ASAP2: variants seen among roughly 807,000 people sequenced by gnomAD.
The protein encoded by ASAP2 is ArfGAP with SH3 domain, ankyrin repeat and PH domain 2.
In ASAP2, 45 loss-of-function variants were observed where a neutral mutation model predicts 131.4. The observed-to-expected ratio is 0.34, with a 90% CI of 0.27 to 0.44. The LOEUF is 0.44. Ranked by LOEUF, ASAP2 falls within the 20% of genes least tolerant of loss-of-function variation. ASAP2 has a pLI of 1.00. For missense variants in ASAP2, 1,011 were observed against 1,297.0 expected, an observed-to-expected ratio of 0.78 and a Z score of 3.39; for synonymous variants, 510 against 503.0, an observed-to-expected ratio of 1.01 and a Z score of -0.19.
intron 24 of ASAP2, among the ~76,000 whole-genome samples, chr2:9,396,960 C>T (rs1188596660): frequency 6.6e-6 from 1 of 152,198 alleles, no homozygotes. Context: ...CAAGATCACA[C>T]CACTGCACTC....
In ASAP2 at chr2:9,337,824, G is replaced by A. The variant is rs143833181; in HGVS notation, c.849+2645G>A. ...TTGTTCTTGATATTTTCTGCTCTCT[G>A]TAAGGAGAATACTACTCTTTGGTAT... On this transcript the variant is annotated intron_variant, in intron 9 of 27. Coordinates refer to ENST00000281419, the MANE Select transcript of ASAP2 (RefSeq NM_003887.3). 7.0e-4 allele frequency among the ~76,000 whole-genome samples: 106 copies of A among 152,312 alleles called. 1 individual carries two copies. Among genetic ancestry groups the A allele is most frequent in the African/African-American group, 2.5e-3 (102 of 41,576 alleles).
intron 1 of ASAP2, among the ~76,000 whole-genome samples, chr2:9,208,936 A>G (rs867575092): frequency 2.6e-5 from 4 of 152,338 alleles, no homozygotes; most frequent in South Asian, 4.1e-4. Flanking sequence ...TGTCAGTTAA[A>G]TATTATTAAC....
chr2:9,216,049 C>T (rs1452770169), intron 1 of ASAP2, among the ~76,000 whole-genome samples: 1 of 152,140 alleles, frequency 6.6e-6, no homozygotes, highest in African/African-American at 2.4e-5. Context: ...CAACCCAGCT[C>T]TCCTATTTGT....
chr2:9,256,964 A>G (rs909474591), intron 1 of ASAP2, among the ~76,000 whole-genome samples: 4 of 152,048 alleles, frequency 2.6e-5, no homozygotes, highest in Admixed American at 2.0e-4. Context: ...CAGCTGATGG[A>G]CTCATTCCAA....
At chr2:9,399,869 C>A in intron 24 of ASAP2, 154 bp from the exon 25 acceptor site, 2 of 727,480 alleles carry the variant, frequency 2.7e-6, no homozygotes, top group East Asian at 2.7e-5. Context: ...CTCATTCTTC[C>A]TTTTCCCATA....
At chr2:9,255,645 G>A (rs1665102501) in intron 1 of ASAP2, among the ~76,000 whole-genome samples, 1 of 152,222 alleles carries the variant, frequency 6.6e-6, no homozygotes, top group African/African-American at 2.4e-5. Flanking sequence ...CAGAGGTGAA[G>A]GGAGGTGCCT....
intron 1 of ASAP2, among the ~76,000 whole-genome samples, chr2:9,233,503 C>T (rs1663313060): frequency 6.6e-6 from 1 of 152,042 alleles, no homozygotes; most frequent in East Asian, 1.9e-4. Context: ...GGCTTGGGAC[C>T]AATACACTTT....
Position 9,388,456 on chromosome 2 carries a change from G to A in ASAP2, c.2293G>A (p.Ala765Thr). 1.9e-6 allele frequency: 3 copies of A among 1,614,082 alleles called. No individual in the cohort carries two copies. In the South Asian group the frequency reaches 3.3e-5, roughly 18 times the overall value. The change falls in exon 22 of 28, where the codon GCC (alanine) becomes ACC (threonine). Residue 765 changes from alanine (A) to threonine (T), a missense_variant. Ala to Thr is a moderately conservative substitution (Grantham distance 58, BLOSUM62 0). Transcript: ENST00000281419. ...CATCTTGCAGAATGAGACTTACGGAGCCCTCCTGAGTGGCAGCCCACCTCC... is the reference window on the plus strand; with the variant it reads ...CATCTTGCAGAATGAGACTTACGGAACCCTCCTGAGTGGCAGCCCACCTCC... ...PSILQNETYG[A>T]LLSGSPPPAQ...
intron 1 of ASAP2, chr2:9,271,165 G>T: frequency 2.0e-6 from 1 of 494,612 alleles, no homozygotes; most frequent in Non-Finnish European, 3.6e-6. Flanking sequence ...AGTTAAAAGC[G>T]GACCCCAAAT....
chr2:9,249,778 A>T (rs1198992176), intron 1 of ASAP2, among the ~76,000 whole-genome samples: 1 of 149,158 alleles, frequency 6.7e-6, no homozygotes, highest in African/African-American at 2.4e-5. Flanking sequence ...CCCCCAGAGG[A>T]GGGCAGGGCC....
intron 1 of ASAP2, among the ~76,000 whole-genome samples, chr2:9,245,570 T>TC (rs1435507609): frequency 6.6e-6 from 1 of 152,218 alleles, no homozygotes; most frequent in Non-Finnish European, 1.5e-5. Flanking sequence ...TCACTATACA[T>TC]CTTCCTGACT....
rs939750358 is a variant in ASAP2 at position 9,405,520 on chromosome 2, T to C, written c.*2193T>C. 6.6e-6 allele frequency: 1 copy of C among 152,640 alleles called. No homozygotes were observed. The highest frequency in any genetic ancestry group is 1.5e-5 in the Non-Finnish European group (1 of 68,044). The allele number at this position is 152,640 out of a possible 1,614,324, so 9.5% of individuals were successfully genotyped here. On this transcript the variant is annotated 3_prime_UTR_variant, in exon 28 of 28. Coordinates refer to ENST00000281419, the MANE Select transcript of ASAP2 (RefSeq NM_003887.3). Reference sequence around the variant, plus strand: ...TATGATATTCAGTTCATTCACCTGATTACTTTGGTTGCAGCACAACTGTAT... The same window carrying C: ...TATGATATTCAGTTCATTCACCTGACTACTTTGGTTGCAGCACAACTGTAT...
intron 6 of ASAP2, among the ~76,000 whole-genome samples, chr2:9,325,021 T>C (rs1420560824): frequency 6.6e-6 from 1 of 152,212 alleles, no homozygotes; most frequent in South Asian, 2.1e-4. Flanking sequence ...TTGTTTTTCA[T>C]TGAGAGAATG....
chr2:9,222,551 G>A (rs1485863736), intron 1 of ASAP2, among the ~76,000 whole-genome samples: 2 of 152,184 alleles, frequency 1.3e-5, no homozygotes, highest in African/African-American at 4.8e-5. Flanking sequence ...TTGACAAAAG[G>A]TAATTATTGA....
intron 23 of ASAP2, among the ~76,000 whole-genome samples, chr2:9,391,576 CTTTTTTTTTT>C (rs397869342): frequency 7.4e-6 from 1 of 135,148 alleles, no homozygotes; most frequent in African/African-American, 2.8e-5. Context: ...TTTTCTTTTT[CTTTTTTTTTT>C]TTTTTTTGAG....
chr2:9,343,934 T>C (rs538583879), intron 9 of ASAP2, among the ~76,000 whole-genome samples: 20 of 152,350 alleles, frequency 1.3e-4, no homozygotes, highest in Admixed American at 9.1e-4. Context: ...TAAGCTCCCT[T>C]GGTCAGGGTC....
intron 5 of ASAP2, among the ~76,000 whole-genome samples, chr2:9,321,464 G>A (rs766720283): frequency 4.6e-5 from 7 of 152,180 alleles, no homozygotes; most frequent in African/African-American, 1.4e-4. Context: ...TCCCTGGTCC[G>A]TCAGCATCCT....
chr2:9,334,620 C>CT, intron 7 of ASAP2, 118 bp from the exon 8 acceptor site: 1 of 828,128 alleles, frequency 1.2e-6, no homozygotes, highest in South Asian at 1.8e-5. Flanking sequence ...TTCATACAGT[C>CT]TTTTCCCCCA....
At chr2:9,358,918 G>A in intron 15 of ASAP2, 29 bp downstream of exon 15, 1 of 1,591,334 alleles carries the variant, frequency 6.3e-7, no homozygotes, top group South Asian at 1.1e-5. Context: ...ATTTCAGATT[G>A]GAAACAAATG....
Sources: allele counts gnomAD v4.1 joint callset (sites outside exome capture counted in the v4.1 genomes callset), GRCh38; gene constraint gnomAD v4.1.1; transcripts MANE v1.5; gene names NCBI Gene and HGNC (gene_info 2026-07-23, HGNC 2026-07-21).